MED12L: variants seen among roughly 807,000 people sequenced by gnomAD.
MED12L encodes mediator complex subunit 12L, also known as mediator of RNA polymerase II transcription subunit 12-like protein.
Under a neutral mutation model 281.3 loss-of-function variants are expected in MED12L, and 60 were observed. The ratio of observed to expected loss-of-function variants is 0.21; its 90% confidence interval spans 0.17 to 0.26. The LOEUF (loss-of-function observed/expected upper bound fraction) is 0.26. MED12L is among the 10% of genes least tolerant of loss of function. The pLI, the probability that MED12L is intolerant of heterozygous loss-of-function variation, is 1.00. For missense variants in MED12L, 2,146 were observed against 2,680.9 expected (o/e 0.80, Z 4.41); for synonymous variants, 974 against 987.2 (o/e 0.99, Z 0.25).
chr3:151,174,372 G>T (rs928611901), intron 11 of MED12L, among the ~76,000 whole-genome samples: 2 of 152,048 alleles, frequency 1.3e-5, no homozygotes, highest in Non-Finnish European at 2.9e-5. Flanking sequence ...TTACTTAAAC[G>T]TTGACTGAAG....
intron 17 of MED12L, 65 bp from the exon 18 acceptor site, chr3:151,355,056 T>A: frequency 8.8e-7 from 1 of 1,141,916 alleles, no homozygotes; most frequent in Non-Finnish European, 1.3e-6. Flanking sequence ...AAAAAAAGTA[T>A]CCATTAAAAA....
At chr3:151,150,942 T>TTGA (rs1427653413) in intron 5 of MED12L, among the ~76,000 whole-genome samples, 2 of 151,992 alleles carry the variant, frequency 1.3e-5, no homozygotes, top group East Asian at 3.9e-4. Context: ...TGTGGCTGGT[T>TTGA]TGATCTTCTA....
At chr3:151,196,271 G>A (rs986888048) in intron 16 of MED12L, among the ~76,000 whole-genome samples, 1 of 152,144 alleles carries the variant, frequency 6.6e-6, no homozygotes, top group Non-Finnish European at 1.5e-5. Context: ...TTCCACCACT[G>A]GTTGCCCTAA....
At chr3:151,117,441 T>C (rs1234274935) in intron 3 of MED12L, among the ~76,000 whole-genome samples, 1 of 152,170 alleles carries the variant, frequency 6.6e-6, no homozygotes, top group Non-Finnish European at 1.5e-5. Flanking sequence ...ATGGGACACA[T>C]AGATACATAT....
chr3:151,425,746 G>A, intron 43 of MED12L: 1 of 456,718 alleles, frequency 2.2e-6, no homozygotes, highest in Non-Finnish European at 4.4e-6. Context: ...GAATCCTAGA[G>A]AGAGAAGCAA....
chr3:151,383,569 T>A (rs967469088), intron 33 of MED12L, among the ~76,000 whole-genome samples: 2 of 152,222 alleles, frequency 1.3e-5, no homozygotes, highest in African/African-American at 4.8e-5. Context: ...CCTTCTTCAT[T>A]TTAGTTAATG....
At chr3:151,129,451 C>T (rs767011078) in intron 5 of MED12L, among the ~76,000 whole-genome samples, 7 of 151,810 alleles carry the variant, frequency 4.6e-5, no homozygotes, top group Non-Finnish European at 7.4e-5. Context: ...GTTGTTTTCA[C>T]GGTGGTCTTC....
intron 13 of MED12L, 69 bp from the exon 14 acceptor site, chr3:151,190,648 A>G: frequency 7.6e-7 from 1 of 1,321,978 alleles, no homozygotes; most frequent in African/African-American, 1.5e-5. Context: ...TGAAAATATT[A>G]AGCCTTAGTA....
At chr3:151,293,509 C>G (rs1744546903) in intron 16 of MED12L, among the ~76,000 whole-genome samples, 1 of 151,116 alleles carries the variant, frequency 6.6e-6, no homozygotes, top group South Asian at 2.1e-4. Flanking sequence ...CAGCTCATTC[C>G]TACTTGCTTT....
chr3:151,171,463 C>T (rs1721423879), intron 11 of MED12L, among the ~76,000 whole-genome samples: 1 of 152,124 alleles, frequency 6.6e-6, no homozygotes. Flanking sequence ...CTTTGGGGGT[C>T]CCAGGAAGCC....
chr3:151,358,748 C>G (rs1363108788), intron 20 of MED12L, among the ~76,000 whole-genome samples: 1 of 152,102 alleles, frequency 6.6e-6, no homozygotes, highest in Non-Finnish European at 1.5e-5. Flanking sequence ...TATTTCACTT[C>G]TTCGTACTTA....
chr3:151,096,035 T>C (rs780538109), intron 2 of MED12L, among the ~76,000 whole-genome samples: 3 of 152,232 alleles, frequency 2.0e-5, no homozygotes, highest in Non-Finnish European at 4.4e-5. Flanking sequence ...TGGCATCTCC[T>C]GATGACCTGA....
At chr3:151,234,827 C>T (rs1006045150) in intron 16 of MED12L, among the ~76,000 whole-genome samples, 2 of 152,174 alleles carry the variant, frequency 1.3e-5, no homozygotes, top group Non-Finnish European at 2.9e-5. Flanking sequence ...CTGTCAAGTT[C>T]CTTAGTCAGG....
intron 16 of MED12L, among the ~76,000 whole-genome samples, chr3:151,230,995 A>T (rs895478620): frequency 6.6e-6 from 1 of 152,198 alleles, no homozygotes; most frequent in Non-Finnish European, 1.5e-5. Flanking sequence ...GCTCAGACCG[A>T]TTAGGAAATG....
Position 151,410,521 on chromosome 3 carries a change from A to G in MED12L, c.5911-757A>G, listed in dbSNP as rs140980950. ...AGGATTTGAAGAGCAATGTTGTTCT[A>G]CCTTAATTAGCATTGTGTTCTATAA... On this transcript the variant is annotated intron_variant, in intron 40 of 44. Coordinates refer to ENST00000687756, the MANE Select transcript of MED12L (RefSeq NM_001393769.1). Among the ~76,000 whole-genome samples the G allele has an allele frequency of 3.0e-3, 458 of 152,348 alleles. 3 individuals carry two copies. Among genetic ancestry groups the G allele is most frequent in the African/African-American group, 0.011 (446 of 41,584 alleles).
At chr3:151,284,844 G>C (rs992692402) in intron 16 of MED12L, among the ~76,000 whole-genome samples, 11 of 152,256 alleles carry the variant, frequency 7.2e-5, no homozygotes, top group Non-Finnish European at 1.3e-4. Flanking sequence ...CCGACCTCAG[G>C]TGATCCACCC....
At chr3:151,158,645 T>C in intron 6 of MED12L, 44 bp from the exon 7 acceptor site, 1 of 1,380,026 alleles carries the variant, frequency 7.2e-7, no homozygotes, top group Non-Finnish European at 1.0e-6. Flanking sequence ...TTTTTGTTTT[T>C]TTTCTTTAAC....
In MED12L at chr3:151,435,208, CCTTAAAGACAAGACCT is replaced by C. The variant is rs1720005081; in HGVS notation, c.*2405_*2420del. The C allele has an allele frequency of 6.6e-6, 1 of 151,456 alleles. No homozygotes were observed. The highest frequency in any genetic ancestry group is 1.5e-5 in the Non-Finnish European group (1 of 67,948). The allele number at this position is 151,456 out of a possible 1,614,324, so 9.4% of individuals were successfully genotyped here. A position where few individuals can be genotyped will look rare whatever the true frequency, so the allele number is the denominator to read the frequency against. On this transcript the variant is annotated 3_prime_UTR_variant, in exon 45 of 45. Transcript: ENST00000687756. ...TAAGATGGAGCGAGACCCCAGCTCC[CCTTAAAGACAAGACCT>C]TGAAATCAAATGGAGTCAGCTATAC...
chr3:151,316,010 A>G (rs1001029511), intron 16 of MED12L, among the ~76,000 whole-genome samples: 4 of 152,178 alleles, frequency 2.6e-5, no homozygotes, highest in African/African-American at 7.2e-5. Flanking sequence ...TTGAATGTGG[A>G]ACAACAGTAA....
Sources: gnomAD v4.1 joint callset for allele counts (sites outside exome capture counted in the v4.1 genomes callset) on GRCh38, gnomAD v4.1.1 for gene constraint, MANE v1.5 for transcripts, NCBI Gene and HGNC (gene_info 2026-07-23, HGNC 2026-07-21) for gene names.